The following SLC8A1 variants were observed in gnomAD, a reference collection of about 807,000 sequenced individuals.
The protein encoded by SLC8A1 is sodium/calcium exchanger 1.
Under a neutral mutation model 68.3 loss-of-function variants are expected in SLC8A1, and 18 were observed. The ratio of observed to expected loss-of-function variants is 0.26; its 90% CI spans 0.18 to 0.39. SLC8A1 has a LOEUF of 0.39. SLC8A1 is among the 10% of genes least tolerant of loss of function. The pLI is 1.00. For synonymous variants in SLC8A1, 475 were observed against 415.5 expected (o/e 1.14, Z -1.74); for missense variants, 985 against 1,156.7 (o/e 0.85, Z 2.15).
intron 2 of SLC8A1, among the ~76,000 whole-genome samples, chr2:40,212,740 CTCTTT>C (rs1297073302): frequency 6.6e-6 from 1 of 152,210 alleles, no homozygotes; most frequent in African/African-American, 2.4e-5. Context: ...TTCTTGCTTG[CTCTTT>C]TCTCTTTCTG....
Position 40,145,577 on chromosome 2 carries a change from T to C in SLC8A1, c.2162-5901A>G, listed in dbSNP as rs187781909. ...TGACATACAGTAATTACAAATCAAA[T>C]TCTACTCTCCTGTTACATATTTCTG... On this transcript the variant is annotated intron_variant, in intron 6 of 7. Transcript: ENST00000406785. Among the ~76,000 whole-genome samples, 53 of 152,342 alleles carry C rather than the reference T, an allele frequency of 3.5e-4. 1 individual carries two copies. The East Asian group carries it at 6.4e-3, about 18-fold the overall frequency.
At chr2:40,252,813 TACA>T in intron 2 of SLC8A1, among the ~76,000 whole-genome samples, 2 of 143,998 alleles carry the variant, frequency 1.4e-5, no homozygotes, top group African/African-American at 5.3e-5. Flanking sequence ...TATGTACATA[TACA>T]TATATATGTA....
At chr2:40,433,388 A>G (rs1233391736) in intron 1 of SLC8A1, among the ~76,000 whole-genome samples, 1 of 152,220 alleles carries the variant, frequency 6.6e-6, no homozygotes, top group Non-Finnish European at 1.5e-5. Context: ...AAGTTTCAAA[A>G]GAGCTGAACA....
intron 2 of SLC8A1, among the ~76,000 whole-genome samples, chr2:40,180,964 C>T (rs1167317208): frequency 6.6e-6 from 1 of 151,378 alleles, no homozygotes; most frequent in Non-Finnish European, 1.5e-5. Flanking sequence ...TATTTTCTTT[C>T]TTTTTTTTTG....
intron 2 of SLC8A1, among the ~76,000 whole-genome samples, chr2:40,389,414 T>C (rs1684597807): frequency 6.6e-6 from 1 of 152,108 alleles, no homozygotes; most frequent in Non-Finnish European, 1.5e-5. Context: ...TAATCTAAGC[T>C]TCCAGGATTT....
At chr2:40,490,859 T>C (rs1424201579) in intron 1 of SLC8A1, among the ~76,000 whole-genome samples, 2 of 152,106 alleles carry the variant, frequency 1.3e-5, no homozygotes, top group Non-Finnish European at 2.9e-5. Context: ...GATTATATTA[T>C]AGAGAATCAT....
At chr2:40,288,849 A>ATATATATATATATATATATATGTATG (rs1553476848) in intron 2 of SLC8A1, among the ~76,000 whole-genome samples, 8 of 138,766 alleles carry the variant, frequency 5.8e-5, no homozygotes, top group African/African-American at 2.3e-4. Context: ...ATATATATAT[A>ATATATATATATATATATATATGTATG]TATGTATATA....
intron 1 of SLC8A1, among the ~76,000 whole-genome samples, chr2:40,488,223 CAGA>C (rs1705092594): frequency 9.8e-6 from 1 of 102,060 alleles, no homozygotes; most frequent in Admixed American, 9.9e-5. Flanking sequence ...CTTCTGTAGA[CAGA>C]AAAAAAAAAA....
chr2:40,297,922 C>T (rs962559236), intron 2 of SLC8A1, among the ~76,000 whole-genome samples: 1 of 152,136 alleles, frequency 6.6e-6, no homozygotes, highest in Non-Finnish European at 1.5e-5. Flanking sequence ...CTGTGTCGCC[C>T]AGGCTGGAGT....
intron 1 of SLC8A1, among the ~76,000 whole-genome samples, chr2:40,493,725 A>C (rs139619452): frequency 0.017 from 2,589 of 149,104 alleles, 28 homozygotes; most frequent in South Asian, 0.04. Context: ...CACGATCTCA[A>C]CTCACTGCAA....
chr2:40,140,115 G>A (rs2041270344), intron 6 of SLC8A1, among the ~76,000 whole-genome samples: 2 of 152,116 alleles, frequency 1.3e-5, no homozygotes, highest in South Asian at 2.1e-4. Context: ...CCAACTCTGG[G>A]TTATATAATC....
intron 1 of SLC8A1, among the ~76,000 whole-genome samples, chr2:40,469,300 C>T (rs2149901030): frequency 6.6e-6 from 1 of 152,142 alleles, no homozygotes; most frequent in South Asian, 2.1e-4. Context: ...GGGTGAATTT[C>T]CCCATACTGC....
chr2:40,466,987 A>AAT (rs34424640), intron 1 of SLC8A1, among the ~76,000 whole-genome samples: 1 of 150,578 alleles, frequency 6.6e-6, no homozygotes, highest in Admixed American at 6.7e-5. Flanking sequence ...AAAAAAAAAA[A>AAT]TGTGCAGAGA....
At chr2:40,355,410 A>C (rs1236055052) in intron 2 of SLC8A1, among the ~76,000 whole-genome samples, 1 of 152,144 alleles carries the variant, frequency 6.6e-6, no homozygotes, top group Non-Finnish European at 1.5e-5. Flanking sequence ...TGCAGAAGAC[A>C]GGTCTTCCTG....
chr2:40,462,003 T>TTTTTTTTTTTTTTTTTC (rs1703374710), intron 1 of SLC8A1, among the ~76,000 whole-genome samples: 1 of 22,752 alleles, frequency 4.4e-5, no homozygotes, highest in Non-Finnish European at 1.3e-4. Context: ...AAATCCTCCT[T>TTTTTTTTTTTTTTTTTC]TTTTTTTTTT....
chr2:40,109,931 A>AAGTT (rs1228582450), exon 8 of SLC8A1: 2 of 152,180 alleles, frequency 1.3e-5, no homozygotes, highest in African/African-American at 4.8e-5. Flanking sequence ...TTGCTTTTTG[A>AAGTT]AGTTATACAG....
At chr2:40,462,733 A>C (rs1175196753) in intron 1 of SLC8A1, among the ~76,000 whole-genome samples, 1 of 152,052 alleles carries the variant, frequency 6.6e-6, no homozygotes. Flanking sequence ...GCTTTAGCCC[A>C]GGAGTTTGAA....
chr2:40,181,617 A>G (rs558059947), intron 2 of SLC8A1, among the ~76,000 whole-genome samples: 268 of 152,212 alleles, frequency 1.8e-3, no homozygotes, highest in African/African-American at 6.2e-3. Context: ...AAAGCTATTA[A>G]TAGGAAACTT....
chr2:40,379,254 C>A (rs1179937092), intron 2 of SLC8A1, among the ~76,000 whole-genome samples: 1 of 152,112 alleles, frequency 6.6e-6, no homozygotes, highest in Non-Finnish European at 1.5e-5. Context: ...CTCTAAGCTT[C>A]CAGGTCATGT....
Sources: gnomAD v4.1 joint callset for allele counts (sites outside exome capture counted in the v4.1 genomes callset) on GRCh38, gnomAD v4.1.1 for gene constraint, MANE v1.5 for transcripts, NCBI Gene and HGNC (gene_info 2026-07-23, HGNC 2026-07-21) for gene names.